NOD1: variants seen among roughly 807,000 people sequenced by gnomAD.
NOD1 encodes the protein nucleotide-binding oligomerization domain-containing protein 1.
In NOD1, 70 loss-of-function variants were observed where a neutral mutation model predicts 81.2. The observed-to-expected ratio is 0.86, with a 90% confidence interval of 0.71 to 1.05. The LOEUF (loss-of-function observed/expected upper bound fraction) is 1.05. Among genes scored for constraint, NOD1 ranks in the 50% least tolerant of loss-of-function variants. NOD1 has a pLI of 0.00. For synonymous variants in NOD1, 508 were observed against 526.9 expected (o/e 0.96, Z 0.49); for missense variants, 1,233 against 1,228.0 (o/e 1.00, Z -0.06).
intron 3 of NOD1, among the ~76,000 whole-genome samples, chr7:30,458,097 G>A (rs906596924): frequency 6.6e-6 from 1 of 152,136 alleles, no homozygotes; most frequent in African/African-American, 2.4e-5. Flanking sequence ...TGAGTTTCTT[G>A]TCTGGGTAGG....
At chr7:30,446,724 C>T (rs547998844) in intron 8 of NOD1, 1 of 502,488 alleles carries the variant, frequency 2.0e-6, no homozygotes, top group South Asian at 2.7e-5. Flanking sequence ...AGAGTTAGTC[C>T]TTTCTTCGGC....
rs553752426 is a variant in NOD1 at position 30,448,465 on chromosome 7, T to G, written c.2202-84A>C. On this transcript the variant is annotated intron_variant, in intron 6 of 13. Coordinates refer to ENST00000222823, the MANE Select transcript of NOD1 (RefSeq NM_006092.4). Reference sequence around the variant, plus strand: ...TTAATCTTACAAAGATCCAGAAGCCTTCAGGCCCTGGAGTTTTCTCAGGTA... The same window carrying G: ...TTAATCTTACAAAGATCCAGAAGCCGTCAGGCCCTGGAGTTTTCTCAGGTA... 3.5e-5 allele frequency: 42 copies of G among 1,188,112 alleles called. No homozygotes were observed. The South Asian group carries it at 5.1e-4, about 15-fold the overall frequency. 73.6% of individuals were successfully genotyped at this position (1,188,112 alleles called of 1,614,324 possible).
intron 6 of NOD1, among the ~76,000 whole-genome samples, chr7:30,449,477 C>T (rs1023454092): frequency 2.0e-5 from 3 of 152,158 alleles, no homozygotes; most frequent in African/African-American, 7.2e-5. Flanking sequence ...TTGAGGCATG[C>T]TCTCAATCTT....
intron 6 of NOD1, among the ~76,000 whole-genome samples, chr7:30,450,793 A>C (rs747318742): frequency 6.6e-6 from 1 of 152,192 alleles, no homozygotes; most frequent in Non-Finnish European, 1.5e-5. Flanking sequence ...CAAGCTATTA[A>C]CTTCTCTGTG....
At chr7:30,446,877 A>C (rs763398716) in intron 8 of NOD1, 90 bp downstream of exon 8, 17 of 1,064,776 alleles carry the variant, frequency 1.6e-5, no homozygotes, top group Non-Finnish European at 2.2e-5. Context: ...CTTTAGGATG[A>C]AAGCTCTTTA....
chr7:30,446,055 T>C, intron 9 of NOD1, 86 bp downstream of exon 9: 1 of 987,616 alleles, frequency 1.0e-6, no homozygotes, highest in East Asian at 2.4e-5. Context: ...GTCCTTCTGG[T>C]GTACTGATGT....
In NOD1 at chr7:30,429,552, C is replaced by T. The variant is rs531465449; in HGVS notation, c.2706-95G>A. The T allele has an allele frequency of 2.5e-5, 27 of 1,064,774 alleles. No homozygotes were observed. The African/African-American group carries it at 3.9e-4, about 15-fold the overall frequency. 66.0% of individuals were successfully genotyped at this position (1,064,774 alleles called of 1,614,324 possible). ...TGCAAGGGTGTTTTGGGATAAGAGA[C>T]AAGTTGGTCAGGGGAAGAACTGAGT... On this transcript the variant is annotated intron_variant, in intron 12 of 13. Transcript: ENST00000222823.
At position 30,451,035 on chromosome 7, in the gene NOD1, G is replaced by C. The variant is rs748405376; in HGVS notation, c.2201+181C>G. On this transcript the variant is annotated intron_variant, in intron 6 of 13. Transcript: ENST00000222823. This position sits in a 1 kb window ranked among gnomAD's most constrained non-coding sequence, Gnocchi z 4.2. ...AGGGCACCCAGCTGTGGCTGATCCA[G>C]GTCCACCTGCCTCGAAGCTTTGCAC... Among the ~76,000 whole-genome samples the C allele has an allele frequency of 2.0e-5, 3 of 152,172 alleles. No homozygotes were observed. Among genetic ancestry groups the C allele is most frequent in the Non-Finnish European group, 4.4e-5 (3 of 68,032 alleles).
At chr7:30,430,886 A>G (rs1051687051) in intron 12 of NOD1, among the ~76,000 whole-genome samples, 5 of 152,232 alleles carry the variant, frequency 3.3e-5, no homozygotes, top group African/African-American at 1.2e-4. Context: ...CCTGGGTTCA[A>G]TGGCAGAGGT....
chr7:30,425,647 G>T lies in NOD1; in HGVS notation c.2853C>A (p.Ile951=). Residue 951 remains isoleucine (I), a synonymous_variant, in exon 14 of 14, where the codon ATC becomes ATA. Transcript: ENST00000222823. ...AKVYEDEKRI[I]CF ...ACAGGAAAGCATCCTCTCAGAAACA[G>T]ATAATCCGCTTCTCATCTTCATAGA... 6.2e-7 allele frequency: 1 copy of T among 1,613,174 alleles called. No individual in the cohort carries two copies. The highest frequency in any genetic ancestry group is 8.5e-7 in the Non-Finnish European group (1 of 1,179,144).
At chr7:30,446,295 A>G in intron 8 of NOD1, 71 bp from the exon 9 acceptor site, 1 of 1,101,074 alleles carries the variant, frequency 9.1e-7, no homozygotes, top group Non-Finnish European at 1.4e-6. Flanking sequence ...CCTCCTCCCC[A>G]GCACAGAGCC....
chr7:30,425,759 C>T (rs765164255), intron 13 of NOD1, 49 bp from the exon 14 acceptor site: 2 of 1,250,532 alleles, frequency 1.6e-6, no homozygotes, highest in African/African-American at 1.5e-5. Flanking sequence ...TGTTAAGGAT[C>T]CTCGCACACT....
chr7:30,437,060 T>G (rs1784439943), intron 10 of NOD1, among the ~76,000 whole-genome samples: 1 of 151,954 alleles, frequency 6.6e-6, no homozygotes, highest in African/African-American at 2.4e-5. Context: ...AAAAATGAGA[T>G]CATGTCCTTT....
chr7:30,433,363 C>G (rs1284262338), intron 11 of NOD1, 184 bp from the exon 12 acceptor site: 3 of 575,776 alleles, frequency 5.2e-6, no homozygotes, highest in Non-Finnish European at 9.2e-6. Flanking sequence ...CAATGGGACT[C>G]ATTTTTAATG....
chr7:30,456,227 T>C (rs1468715936), intron 4 of NOD1, among the ~76,000 whole-genome samples: 2 of 152,158 alleles, frequency 1.3e-5, no homozygotes, highest in Non-Finnish European at 2.9e-5. Flanking sequence ...TTTCAGGAGA[T>C]AACGCAAAGC....
Position 30,456,876 on chromosome 7 carries a change from A to T in NOD1, c.46T>A (p.Ser16Thr), listed in dbSNP as rs776959941. Reference sequence around the variant, plus strand: ...TTCAGTAATTGAATGTGGGGGTGAGACTCTGATGGGATTATTTCCATCTCA... The same window carrying T: ...TTCAGTAATTGAATGTGGGGGTGAGTCTCTGATGGGATTATTTCCATCTCA... ...HSEMEIIPSE[S>T]HPHIQLLKSN... Residue 16 changes from serine (S) to threonine (T), a missense_variant, in exon 4 of 14, where the codon TCT becomes ACT. Ser to Thr is a moderately conservative substitution (Grantham distance 58, BLOSUM62 1). Transcript: ENST00000222823. 218 of 1,613,908 alleles carry T rather than the reference A, an allele frequency of 1.4e-4. No homozygotes were observed. Among genetic ancestry groups the T allele is most frequent in the Non-Finnish European group, 1.8e-4 (211 of 1,180,000 alleles).
At chr7:30,460,308 C>G (rs1786894041) in intron 1 of NOD1, 1 of 985,442 alleles carries the variant, frequency 1.0e-6, no homozygotes, top group Non-Finnish European at 1.2e-6. Context: ...ACCAGACAGC[C>G]AGAGATCTGC....
intron 6 of NOD1, among the ~76,000 whole-genome samples, chr7:30,450,613 C>T (rs1184006704): frequency 6.6e-6 from 1 of 152,174 alleles, no homozygotes; most frequent in African/African-American, 2.4e-5. Flanking sequence ...TAGCGTTGAT[C>T]ACAGAAAGTC....
Position 30,472,317 on chromosome 7 carries a change from C to T in NOD1, c.-352+6289G>A, listed in dbSNP as rs555829157. On this transcript the variant is annotated intron_variant, in intron 1 of 13. Coordinates refer to ENST00000222823, the MANE Select transcript of NOD1 (RefSeq NM_006092.4). ...ACACACCCACATCCTTCCCATTCACCTCTGGGTCTTTGAACCCACTGTTCT... is the reference window on the plus strand; with the variant it reads ...ACACACCCACATCCTTCCCATTCACTTCTGGGTCTTTGAACCCACTGTTCT... Among the ~76,000 whole-genome samples, 4 of 152,302 alleles carry T rather than the reference C, an allele frequency of 2.6e-5. No homozygotes were observed. In the East Asian group the frequency reaches 7.7e-4, roughly 29 times the overall value.
Sources: gnomAD v4.1 joint callset for allele counts (sites outside exome capture counted in the v4.1 genomes callset) on GRCh38, gnomAD v4.1.1 for gene constraint, Gnocchi (gnomAD v3.1) non-coding constraint, MANE v1.5 for transcripts, NCBI Gene and HGNC (gene_info 2026-07-23, HGNC 2026-07-21) for gene names.